The following CELF4 variants were observed in gnomAD, a reference collection of about 807,000 sequenced individuals.
CELF4 encodes the protein CUG-BP- and ETR-3-like factor 4.
CELF4 carries 18 observed loss-of-function variants against 59.9 expected under a neutral mutation model. That is an observed-to-expected ratio of 0.30 (90% CI 0.21 to 0.45). The LOEUF is 0.45. Among genes scored for constraint, CELF4 ranks in the 20% least tolerant of loss-of-function variants. The pLI, the probability that CELF4 is intolerant of heterozygous loss-of-function variation, is 1.00. For synonymous variants in CELF4, 261 were observed against 267.1 expected, an observed-to-expected ratio of 0.98 and a Z score of 0.22; for missense variants, 456 against 689.0, an observed-to-expected ratio of 0.66 and a Z score of 3.79.
intron 2 of CELF4, among the ~76,000 whole-genome samples, chr18:37,364,147 G>T (rs1017316471): frequency 1.3e-5 from 2 of 152,220 alleles, no homozygotes; most frequent in Non-Finnish European, 2.9e-5. Flanking sequence ...CACGATGGGA[G>T]CTTCTGTTTG....
chr18:37,376,404 C>T (rs1021547710), intron 2 of CELF4, among the ~76,000 whole-genome samples: 5 of 152,184 alleles, frequency 3.3e-5, no homozygotes, highest in Admixed American at 2.6e-4. Flanking sequence ...ACACTGCAGC[C>T]CAGCCAGGCC....
At chr18:37,368,985 C>G (rs970256610) in intron 2 of CELF4, among the ~76,000 whole-genome samples, 2 of 152,176 alleles carry the variant, frequency 1.3e-5, no homozygotes, top group Non-Finnish European at 2.9e-5. Flanking sequence ...TCCGGGGGAT[C>G]GGCCTCCTGG....
chr18:37,483,619 G>A (rs529368429), intron 2 of CELF4, among the ~76,000 whole-genome samples: 2 of 152,310 alleles, frequency 1.3e-5, no homozygotes, highest in African/African-American at 4.8e-5. Flanking sequence ...CCAGTATGAA[G>A]GATTAGCACA....
rs534048441 is a variant in CELF4, at chr18:37,546,961, C to T, written c.286+18395G>A. 5.3e-5 allele frequency among the ~76,000 whole-genome samples: 8 copies of T among 152,116 alleles called. No individual in the cohort carries two copies. In the East Asian group the frequency reaches 7.7e-4, roughly 15 times the overall value. Reference sequence around the variant, plus strand: ...GCACATGTAGCTCAAGTCAGTACTGCGAAAGAAGGCTGCCCCATCATCCCG... The same window carrying T: ...GCACATGTAGCTCAAGTCAGTACTGTGAAAGAAGGCTGCCCCATCATCCCG... On this transcript the variant is annotated intron_variant, in intron 1 of 12. Coordinates refer to ENST00000420428, the MANE Select transcript of CELF4 (RefSeq NM_020180.4).
At chr18:37,390,332 G>A (rs977105182) in intron 2 of CELF4, among the ~76,000 whole-genome samples, 3 of 152,200 alleles carry the variant, frequency 2.0e-5, no homozygotes, top group East Asian at 1.9e-4. Flanking sequence ...TGGGAGCCAC[G>A]TGTGGCAGCC....
At chr18:37,436,036 G>T (rs2099690817) in intron 2 of CELF4, among the ~76,000 whole-genome samples, 1 of 152,172 alleles carries the variant, frequency 6.6e-6, no homozygotes, top group South Asian at 2.1e-4. Flanking sequence ...GTGAGCTGGA[G>T]GCAGCAGGAA....
At chr18:37,474,805 C>T (rs1166781721) in intron 2 of CELF4, among the ~76,000 whole-genome samples, 1 of 152,212 alleles carries the variant, frequency 6.6e-6, no homozygotes, top group East Asian at 1.9e-4. Flanking sequence ...AGGTGGTGTC[C>T]TGCCCATGAC....
At chr18:37,503,009 GCAT>G (rs1382800743) in intron 1 of CELF4, among the ~76,000 whole-genome samples, 1 of 152,222 alleles carries the variant, frequency 6.6e-6, no homozygotes, top group Non-Finnish European at 1.5e-5. Flanking sequence ...TCGGGTGGGT[GCAT>G]CATCACACAT....
At chr18:37,547,160 G>GTGTGTGTGTGTGTGT (rs61235122) in intron 1 of CELF4, among the ~76,000 whole-genome samples, 20 of 144,250 alleles carry the variant, frequency 1.4e-4, no homozygotes, top group African/African-American at 4.6e-4. Flanking sequence ...GTGTGTGTGT[G>GTGTGTGTGTGTGTGT]GTGTGTGTGT....
intron 2 of CELF4, among the ~76,000 whole-genome samples, chr18:37,421,884 G>A (rs570732668): frequency 2.6e-4 from 40 of 152,312 alleles, no homozygotes; most frequent in African/African-American, 9.6e-4. Flanking sequence ...TTCTCTCCTC[G>A]GAAGGCAATC....
intron 3 of CELF4, among the ~76,000 whole-genome samples, chr18:37,321,153 C>T (rs1343059208): frequency 6.6e-6 from 1 of 152,114 alleles, no homozygotes; most frequent in East Asian, 1.9e-4. Flanking sequence ...CGGAGCTGCC[C>T]CTGGCTGGCC....
At chr18:37,371,823 C>A (rs891366502) in intron 2 of CELF4, among the ~76,000 whole-genome samples, 3 of 152,168 alleles carry the variant, frequency 2.0e-5, no homozygotes, top group Admixed American at 1.3e-4. Context: ...GAGGCTTATG[C>A]CTGACTCAGG....
Position 37,243,178 on chromosome 18 carries a change from C to CTTTTTTTTTTT in CELF4, c.*2063_*2064insAAAAAAAAAAA, listed in dbSNP as rs1274891298. On this transcript the variant is annotated 3_prime_UTR_variant, in exon 13 of 13. Coordinates refer to ENST00000420428, the MANE Select transcript of CELF4 (RefSeq NM_020180.4). ...ACTGCAGCTGTTTTCTTTTTTTTTT[C>CTTTTTTTTTTT]TTTTTTTCTTTTTTTTTTTTTTTTT... 2 of 103,268 alleles carry CTTTTTTTTTTT rather than the reference C, an allele frequency of 1.9e-5. No individual in the cohort carries two copies. The highest frequency in any genetic ancestry group is 3.8e-5 in the Non-Finnish European group (2 of 52,028). 6.4% of individuals were successfully genotyped at this position (103,268 alleles called of 1,614,324 possible). A position where few individuals can be genotyped will look rare whatever the true frequency, so the allele number is the denominator to read the frequency against.
At chr18:37,438,762 C>T (rs1569569416) in intron 2 of CELF4, among the ~76,000 whole-genome samples, 1 of 152,166 alleles carries the variant, frequency 6.6e-6, no homozygotes, top group Non-Finnish European at 1.5e-5. Flanking sequence ...TTTCATATCA[C>T]TTTATCTAGA....
chr18:37,491,503 G>A (rs2099905220), intron 1 of CELF4, among the ~76,000 whole-genome samples: 1 of 152,214 alleles, frequency 6.6e-6, no homozygotes, highest in Middle Eastern at 3.4e-3. Context: ...GCTCTTCTAT[G>A]TCTATACGGC....
At chr18:37,477,812 G>A (rs969840947) in intron 2 of CELF4, among the ~76,000 whole-genome samples, 5 of 152,158 alleles carry the variant, frequency 3.3e-5, no homozygotes, top group Admixed American at 6.5e-5. Flanking sequence ...ACCAAACTTC[G>A]CAGGGGGCAG....
intron 2 of CELF4, among the ~76,000 whole-genome samples, chr18:37,444,367 T>C (rs1001153822): frequency 1.3e-5 from 2 of 152,020 alleles, no homozygotes; most frequent in Admixed American, 6.5e-5. Flanking sequence ...GCAGGAGCTG[T>C]GTCTGGACGC....
chr18:37,274,995 A>G, intron 4 of CELF4, 111 bp from the exon 5 acceptor site: 4 of 1,533,982 alleles, frequency 2.6e-6, no homozygotes, highest in East Asian at 4.6e-5. Context: ...AGATTGAGAA[A>G]GAGACACCAA....
At chr18:37,508,803 G>A (rs1360555442) in intron 1 of CELF4, among the ~76,000 whole-genome samples, 6 of 152,238 alleles carry the variant, frequency 3.9e-5, no homozygotes, top group Admixed American at 6.5e-5. Flanking sequence ...GAAGCAGGAG[G>A]GAGGCCTCTT....
Sources: allele counts gnomAD v4.1 joint callset (sites outside exome capture counted in the v4.1 genomes callset), GRCh38; gene constraint gnomAD v4.1.1; transcripts MANE v1.5; gene names NCBI Gene and HGNC (gene_info 2026-07-23, HGNC 2026-07-21).